CTNNA2: variants seen among roughly 807,000 people sequenced by gnomAD.
CTNNA2 encodes catenin alpha-2.
A neutral mutation model predicts 101.0 loss-of-function variants in CTNNA2; 42 were observed. That is an observed-to-expected ratio of 0.42 (90% CI 0.32 to 0.54). The LOEUF (loss-of-function observed/expected upper bound fraction) is 0.54, where lower values mean the gene tolerates loss of function less well. Among genes scored for constraint, CTNNA2 ranks in the 20% least tolerant of loss-of-function variants. The pLI is 0.14. For missense variants in CTNNA2, 871 were observed against 1,223.1 expected (o/e 0.71, Z 4.29); for synonymous variants, 450 against 456.4 (o/e 0.99, Z 0.18).
At chr2:79,577,626 T>A (rs1312741268) in intron 1 of CTNNA2, among the ~76,000 whole-genome samples, 10 of 152,238 alleles carry the variant, frequency 6.6e-5, no homozygotes, top group African/African-American at 2.4e-4. Context: ...CTAAGTATTA[T>A]CTTAAAATGT....
chr2:79,473,220 A>G (rs1444265301), intron 4 of CTNNA2, among the ~76,000 whole-genome samples: 3 of 152,140 alleles, frequency 2.0e-5, no homozygotes, highest in Non-Finnish European at 2.9e-5. Context: ...TCTAGCATGC[A>G]CCCGAAACTC....
chr2:80,283,878 TAGG>T lies in CTNNA2; in HGVS notation c.1057-109327_1057-109325del, dbSNP rs996101334. On this transcript the variant is annotated intron_variant, in intron 7 of 18. Transcript: ENST00000402739. ...AGGAAGAGATAAGAAAGAAAGGGGA[TAGG>T]AGGAGAGGGAGAAGGAGGAGGGAAA... is the stretch of plus-strand genomic sequence containing the variant. Among the ~76,000 whole-genome samples, 167 of 151,526 alleles carry T rather than the reference TAGG, an allele frequency of 1.1e-3. 1 individual carries two copies. Among genetic ancestry groups the T allele is most frequent in the African/African-American group, 3.6e-3 (149 of 41,318 alleles).
At chr2:80,127,233 G>GT (rs943277867) in intron 7 of CTNNA2, among the ~76,000 whole-genome samples, 60 of 151,536 alleles carry the variant, frequency 4.0e-4, no homozygotes, top group Middle Eastern at 3.4e-3. Context: ...AGATCAAAAG[G>GT]TTTTTTTTTG....
chr2:79,230,721 A>G (rs771213175), intron 2 of CTNNA2, among the ~76,000 whole-genome samples: 2 of 152,162 alleles, frequency 1.3e-5, no homozygotes, highest in African/African-American at 2.4e-5. Flanking sequence ...CAGGCACTCA[A>G]TGCTAGCCCA....
intron 18 of CTNNA2, among the ~76,000 whole-genome samples, chr2:80,638,333 T>A (rs1026249167): frequency 1.4e-5 from 2 of 147,964 alleles, no homozygotes; most frequent in African/African-American, 5.0e-5. Context: ...ATGGGGGGGG[T>A]GCCTGAAAGC....
At chr2:79,349,230 C>T (rs1375751746) in intron 3 of CTNNA2, among the ~76,000 whole-genome samples, 1 of 152,142 alleles carries the variant, frequency 6.6e-6, no homozygotes, top group Non-Finnish European at 1.5e-5. Flanking sequence ...TTGGGAAGAA[C>T]ATTTTAAAGC....
chr2:79,484,144 G>A (rs1290957105), intron 4 of CTNNA2, among the ~76,000 whole-genome samples: 1 of 152,096 alleles, frequency 6.6e-6, no homozygotes, highest in African/African-American at 2.4e-5. Context: ...GGGAGGCTGA[G>A]GTAGGAAGAG....
At chr2:80,556,280 GAT>G (rs1693020368) in intron 12 of CTNNA2, among the ~76,000 whole-genome samples, 1 of 152,170 alleles carries the variant, frequency 6.6e-6, no homozygotes, top group African/African-American at 2.4e-5. Flanking sequence ...GTGCAGATGT[GAT>G]AAGAACTTGG....
intron 7 of CTNNA2, among the ~76,000 whole-genome samples, chr2:80,197,984 A>G (rs1156982593): frequency 6.6e-6 from 1 of 152,118 alleles, no homozygotes; most frequent in Admixed American, 6.5e-5. Flanking sequence ...TATCCTACCC[A>G]CTGAACATTT....
chr2:79,771,408 A>G (rs776746321), intron 3 of CTNNA2, among the ~76,000 whole-genome samples: 2 of 152,186 alleles, frequency 1.3e-5, no homozygotes, highest in Non-Finnish European at 2.9e-5. Flanking sequence ...CAAGCACATT[A>G]TATTTGTTGT....
intron 4 of CTNNA2, among the ~76,000 whole-genome samples, chr2:79,447,183 A>G (rs1261456228): frequency 1.3e-5 from 2 of 151,866 alleles, no homozygotes; most frequent in Non-Finnish European, 2.9e-5. Context: ...GGAATTCATT[A>G]CCTTTCTTTG....
Position 79,313,700 on chromosome 2 carries a change from A to T in CTNNA2, c.-318+904A>T, listed in dbSNP as rs558533589. Among the ~76,000 whole-genome samples, 11 of 152,258 alleles carry T rather than the reference A, an allele frequency of 7.2e-5. No homozygotes were observed. The East Asian group carries it at 2.1e-3, about 29-fold the overall frequency. On this transcript the variant is annotated intron_variant, in intron 3 of 21. Coordinates refer to the CTNNA2 transcript ENST00000466387. ...CAGAGAGAATGGCCAAGGGACTCTG[A>T]CAGAAACATGCAGGTCTGTCTTCTT...
chr2:80,638,732 A>G (rs1305359567), intron 18 of CTNNA2, among the ~76,000 whole-genome samples: 1 of 152,260 alleles, frequency 6.6e-6, no homozygotes, highest in Non-Finnish European at 1.5e-5. Context: ...TTACTTACCC[A>G]TAATTGAAAA....
chr2:80,040,467 G>T (rs1384228456), intron 7 of CTNNA2, among the ~76,000 whole-genome samples: 4 of 152,118 alleles, frequency 2.6e-5, no homozygotes, highest in Non-Finnish European at 5.9e-5. Context: ...GTTTTTCTTG[G>T]TCATGCTGTC....
At chr2:79,987,922 C>T (rs561743362) in intron 7 of CTNNA2, among the ~76,000 whole-genome samples, 20 of 152,318 alleles carry the variant, frequency 1.3e-4, no homozygotes, top group African/African-American at 4.6e-4. Flanking sequence ...AAATATATCA[C>T]GGTCTGTTAG....
intron 9 of CTNNA2, among the ~76,000 whole-genome samples, chr2:80,535,430 G>A (rs1232781492): frequency 6.6e-6 from 1 of 151,996 alleles, no homozygotes; most frequent in Non-Finnish European, 1.5e-5. Context: ...ACTGGGTGCT[G>A]GGTTAACTAA....
At chr2:79,400,038 A>T (rs1017680069) in intron 4 of CTNNA2, among the ~76,000 whole-genome samples, 3 of 151,956 alleles carry the variant, frequency 2.0e-5, no homozygotes, top group Non-Finnish European at 4.4e-5. Flanking sequence ...TTTTAGGGAG[A>T]TATGAGACAT....
chr2:79,484,977 C>T (rs1671143730), intron 4 of CTNNA2, among the ~76,000 whole-genome samples: 1 of 152,102 alleles, frequency 6.6e-6, no homozygotes, highest in Non-Finnish European at 1.5e-5. Flanking sequence ...ACTTCATTTT[C>T]CAGAACATAC....
intron 9 of CTNNA2, among the ~76,000 whole-genome samples, chr2:80,459,113 T>C (rs575666704): frequency 6.6e-6 from 1 of 152,314 alleles, no homozygotes; most frequent in Non-Finnish European, 1.5e-5. Context: ...GGCTATACCG[T>C]ATAGCCTAGG....
Sources: gnomAD v4.1 joint callset for allele counts (sites outside exome capture counted in the v4.1 genomes callset) on GRCh38, gnomAD v4.1.1 for gene constraint, MANE v1.5 for transcripts, NCBI Gene and HGNC (gene_info 2026-07-23, HGNC 2026-07-21) for gene names.